The following PDE1A variants were observed in gnomAD, a reference collection of about 807,000 sequenced individuals.
PDE1A encodes the protein phosphodiesterase 1A.
In PDE1A, 35 loss-of-function variants were observed where a neutral mutation model predicts 61.7. The ratio of observed to expected loss-of-function variants is 0.57; its 90% confidence interval spans 0.43 to 0.75. PDE1A has a LOEUF of 0.75. Among genes scored for constraint, PDE1A ranks in the 30% least tolerant of loss-of-function variants. The pLI is 0.00. For missense variants in PDE1A, 597 were observed against 630.6 expected (o/e 0.95, Z 0.57); for synonymous variants, 232 against 213.2 (o/e 1.09, Z -0.77).
At chr2:182,685,834 C>T in the PDE1A span, among the ~76,000 whole-genome samples, 1 of 152,296 alleles carries the variant, frequency 6.6e-6, no homozygotes, top group East Asian at 1.9e-4. Flanking sequence ...TTTCTTTCCA[C>T]TTCCCTAACA....
intron 1 of PDE1A, among the ~76,000 whole-genome samples, chr2:182,355,626 T>C (rs899345102): frequency 1.3e-5 from 2 of 152,054 alleles, no homozygotes; most frequent in Non-Finnish European, 2.9e-5. Context: ...ATGTATCCAT[T>C]AATATAAAAA....
intron 13 of PDE1A, among the ~76,000 whole-genome samples, chr2:182,173,418 T>C (rs1692425415): frequency 1.3e-5 from 2 of 152,014 alleles, no homozygotes; most frequent in Non-Finnish European, 1.5e-5. Flanking sequence ...TAGAACTTCA[T>C]GATTCTTACC....
At chr2:182,419,986 A>G (rs1224951144) in intron 1 of PDE1A, among the ~76,000 whole-genome samples, 1 of 151,430 alleles carries the variant, frequency 6.6e-6, no homozygotes, top group Non-Finnish European at 1.5e-5. Flanking sequence ...TGATACCCTT[A>G]CTTAATTAAT....
chr2:182,533,183 T>C, the PDE1A span, among the ~76,000 whole-genome samples: 2 of 151,744 alleles, frequency 1.3e-5, no homozygotes, highest in Non-Finnish European at 2.9e-5. Context: ...TAGTGGCGCA[T>C]GCCTGTAATT....
At chr2:182,180,193 GT>G (rs1437256632) in intron 13 of PDE1A, among the ~76,000 whole-genome samples, 1 of 151,952 alleles carries the variant, frequency 6.6e-6, no homozygotes, top group Non-Finnish European at 1.5e-5. Flanking sequence ...GCTTATCATT[GT>G]TTCATTTTTA....
the PDE1A span, among the ~76,000 whole-genome samples, chr2:182,669,140 T>G: frequency 6.6e-6 from 1 of 152,180 alleles, no homozygotes; most frequent in Non-Finnish European, 1.5e-5. Context: ...TATTCTAGAC[T>G]GAAAAGACCA....
At chr2:182,329,211 G>T (rs1208842656) in intron 1 of PDE1A, among the ~76,000 whole-genome samples, 2 of 151,976 alleles carry the variant, frequency 1.3e-5, no homozygotes, top group African/African-American at 2.4e-5. Context: ...CCTATTCCCT[G>T]TGCTCTCAAA....
At chr2:182,346,934 A>G (rs1698554237) in intron 1 of PDE1A, among the ~76,000 whole-genome samples, 1 of 152,208 alleles carries the variant, frequency 6.6e-6, no homozygotes. Context: ...GAGAAAATTT[A>G]CTTGTCCTTC....
At chr2:182,629,343 A>G in the PDE1A span, among the ~76,000 whole-genome samples, 3 of 152,200 alleles carry the variant, frequency 2.0e-5, no homozygotes, top group Non-Finnish European at 4.4e-5. Flanking sequence ...AATTTGTTAC[A>G]CAACAGGAGA....
At chr2:182,274,256 T>G (rs1693245376) in intron 1 of PDE1A, among the ~76,000 whole-genome samples, 1 of 152,106 alleles carries the variant, frequency 6.6e-6, no homozygotes. Flanking sequence ...GGGATATTTA[T>G]TCTTAATTAA....
chr2:182,598,573 A>G, the PDE1A span, among the ~76,000 whole-genome samples: 1 of 151,826 alleles, frequency 6.6e-6, no homozygotes, highest in African/African-American at 2.4e-5. Flanking sequence ...AAAAAAAAAA[A>G]AAACAAAAAC....
At chr2:182,704,368 T>C in the PDE1A span, among the ~76,000 whole-genome samples, 1 of 152,166 alleles carries the variant, frequency 6.6e-6, no homozygotes, top group South Asian at 2.1e-4. Flanking sequence ...TTCAAGGTAA[T>C]TGATCTGGCA....
intron 1 of PDE1A, among the ~76,000 whole-genome samples, chr2:182,392,236 G>T (rs1344321570): frequency 6.6e-6 from 1 of 152,156 alleles, no homozygotes; most frequent in Non-Finnish European, 1.5e-5. Flanking sequence ...AGAAGGCAAA[G>T]GAGGAACAAA....
chr2:182,254,821 T>C (rs1415487072), intron 2 of PDE1A, among the ~76,000 whole-genome samples: 1 of 152,134 alleles, frequency 6.6e-6, no homozygotes, highest in Non-Finnish European at 1.5e-5. Context: ...ACAACACAGT[T>C]GTGGTTTGAG....
chr2:182,471,037 G>A (rs1304424607), intron 2 of PDE1A, among the ~76,000 whole-genome samples: 1 of 151,698 alleles, frequency 6.6e-6, no homozygotes, highest in African/African-American at 2.4e-5. Flanking sequence ...AAAACCGAGA[G>A]TAGGCAAATG....
intron 1 of PDE1A, among the ~76,000 whole-genome samples, chr2:182,337,339 A>G (rs1205427976): frequency 1.3e-5 from 2 of 152,230 alleles, no homozygotes; most frequent in African/African-American, 4.8e-5. Context: ...TCATGTAAAC[A>G]TTATATGAAA....
rs537207007 is a variant in PDE1A, at chr2:182,309,803, T to C, written c.54-45389A>G. 2.6e-5 allele frequency among the ~76,000 whole-genome samples: 4 copies of C among 152,040 alleles called. No individual in the cohort carries two copies. The South Asian group carries it at 8.3e-4, about 32-fold the overall frequency. The stretch of plus-strand genomic sequence containing the variant: ...TAAGAATGTTTCTGACACAAAGACA[T>C]GGAGAAGTGAAAAAACTGCATGTGA... On this transcript the variant is annotated intron_variant, in intron 1 of 13. Coordinates refer to ENST00000351439, the Ensembl canonical transcript of PDE1A.
chr2:182,556,622 T>G, the PDE1A span, among the ~76,000 whole-genome samples: 45 of 152,300 alleles, frequency 3.0e-4, no homozygotes, highest in East Asian at 8.7e-3. Flanking sequence ...CCCTTTAAAC[T>G]TTTTGAAATT....
intron 1 of PDE1A, among the ~76,000 whole-genome samples, chr2:182,322,235 C>A (rs992884953): frequency 4.6e-5 from 7 of 152,136 alleles, no homozygotes; most frequent in African/African-American, 7.2e-5. Flanking sequence ...TAGTAAGCCA[C>A]AGAATCAACT....
Sources: allele counts gnomAD v4.1 joint callset (sites outside exome capture counted in the v4.1 genomes callset), GRCh38; gene constraint gnomAD v4.1.1; transcripts MANE v1.5; gene names NCBI Gene and HGNC (gene_info 2026-07-23, HGNC 2026-07-21).